Variants in PAPOLG observed in about 807,000 individuals in gnomAD.
PAPOLG encodes poly(A) polymerase gamma.
PAPOLG carries 40 observed loss-of-function variants against 99.0 expected under a neutral mutation model. That is an observed-to-expected ratio of 0.40 (90% confidence interval 0.31 to 0.53). The LOEUF is 0.53. PAPOLG is among the 20% of genes least tolerant of loss of function. The pLI, the probability that PAPOLG is intolerant of heterozygous loss-of-function variation, is 0.41. For synonymous variants in PAPOLG, 310 were observed against 299.3 expected (o/e 1.04, Z -0.37); for missense variants, 675 against 884.1 (o/e 0.76, Z 3.00).
At position 60,792,229 on chromosome 2, in the gene PAPOLG, G is replaced by C. The variant is rs747516684; in HGVS notation, c.1619G>C (p.Gly540Ala). Reference sequence around the variant, plus strand: ...GATAGCTCCAGAGACACTGATAATGGAACACCTTTTAATTCTCCAGCGTCC... The same window carrying C: ...GATAGCTCCAGAGACACTGATAATGCAACACCTTTTAATTCTCCAGCGTCC... ...CLDSSRDTDN[G>A]TPFNSPASKS... Residue 540 changes from glycine (G) to alanine (A), a missense_variant, in exon 17 of 22, where the codon GGA (glycine) becomes GCA (alanine). Gly to Ala is a moderately conservative substitution (Grantham distance 60). Around this residue, in one of 3 missense-constraint regions of PAPOLG, gnomAD observed 413 missense variants for 460.5 expected, o/e 0.90. Transcript: ENST00000238714. The C allele has an allele frequency of 6.2e-7, 1 of 1,610,104 alleles. No homozygotes were observed. The highest frequency in any genetic ancestry group is 8.5e-7 in the Non-Finnish European group (1 of 1,179,254).
Position 60,768,833 on chromosome 2 carries a change from T to C in PAPOLG, c.381T>C (p.Asp127=). The C allele has an allele frequency of 2.5e-6, 4 of 1,602,958 alleles. No individual in the cohort carries two copies. Among genetic ancestry groups the C allele is most frequent in the Non-Finnish European group, 2.6e-6 (3 of 1,173,446 alleles). Residue 127 remains aspartate (D), a synonymous_variant, in exon 5 of 22, where the codon GAT becomes GAC. Coordinates refer to ENST00000238714, the MANE Select transcript of PAPOLG (RefSeq NM_022894.4). ...CTCCAAGACATGTGGAAAGATCTGA[T>C]TTTTTTCAGTCTTTTTTTGAAAAAT... ...CVAPRHVERS[D]FFQSFFEKLK...
At position 60,794,076 on chromosome 2, in the gene PAPOLG, C is replaced by A; in HGVS notation, c.1874C>A (p.Ala625Asp). ...AGAATCACAACACCTCACAACCCTG[C>A]CCAGGGACAACCGCATCTGAATGGA... ...IPRITTPHNPAQGQPHLNGMS... is the reference protein window; with the variant it reads ...IPRITTPHNPDQGQPHLNGMS... The change falls in exon 19 of 22, where the codon GCC becomes GAC. Residue 625 changes from alanine (A) to aspartate (D), a missense_variant. Coordinates refer to ENST00000238714, the MANE Select transcript of PAPOLG (RefSeq NM_022894.4). 1 of 1,614,120 alleles carries A rather than the reference C, an allele frequency of 6.2e-7. No individual in the cohort carries two copies. The highest frequency in any genetic ancestry group is 1.6e-4 in the Middle Eastern group (1 of 6,062).
At chr2:60,756,518 T>C (rs765072065) in intron 1 of PAPOLG, 23 bp downstream of exon 1, 2 of 1,262,042 alleles carry the variant, frequency 1.6e-6, no homozygotes. Flanking sequence ...GGGCGGCGGT[T>C]GGGGTGAGGC....
At chr2:60,793,784 G>A (rs960738147) in intron 18 of PAPOLG, 69 bp downstream of exon 18, 18 of 1,529,180 alleles carry the variant, frequency 1.2e-5, no homozygotes, top group South Asian at 3.6e-5. Context: ...GGTGGCACAC[G>A]CCTGTAGTCC....
intron 13 of PAPOLG, among the ~76,000 whole-genome samples, chr2:60,786,484 G>A (rs1191082226): frequency 6.6e-6 from 1 of 151,890 alleles, no homozygotes; most frequent in Non-Finnish European, 1.5e-5. Context: ...GTGCACCTCA[G>A]TCTTCCAAAG....
chr2:60,794,274 G>A (rs1671633302), intron 19 of PAPOLG, 83 bp downstream of exon 19: 25 of 1,365,084 alleles, frequency 1.8e-5, no homozygotes, highest in Non-Finnish European at 2.0e-5. Flanking sequence ...ATAGCTGTTG[G>A]TGTTCTGTTA....
At chr2:60,778,245 C>A (rs774222473) in intron 8 of PAPOLG, among the ~76,000 whole-genome samples, 2 of 152,160 alleles carry the variant, frequency 1.3e-5, no homozygotes, top group Non-Finnish European at 2.9e-5. Flanking sequence ...CTTCTGGGCC[C>A]AAGCGATCCT....
chr2:60,763,501 A>ATTGTTT (rs1368880377), intron 3 of PAPOLG, among the ~76,000 whole-genome samples: 2 of 151,338 alleles, frequency 1.3e-5, no homozygotes, highest in Admixed American at 6.6e-5. Context: ...TTTGAATATA[A>ATTGTTT]TTGTTTTTGT....
At chr2:60,777,465 T>A (rs535154519) in intron 8 of PAPOLG, among the ~76,000 whole-genome samples, 2 of 151,064 alleles carry the variant, frequency 1.3e-5, no homozygotes, top group African/African-American at 2.4e-5. Context: ...CAAAAAAAAA[T>A]TTTTTTTTTC....
Position 60,768,551 on chromosome 2 carries a change from G to A in PAPOLG, c.328G>A (p.Gly110Arg). ...GSYRLGVHTKGADIDALCVAP... is the reference protein window; with the variant it reads ...GSYRLGVHTKRADIDALCVAP... ...CTATAGGCTTGGAGTACACACCAAA[G>A]GTAACTGCTTTTCTGTGTTCTAGTG... Residue 110 changes from glycine to arginine, a missense_variant and splice_region_variant, in exon 4 of 22, where the codon GGA (glycine) becomes AGA (arginine). Transcript: ENST00000238714. 2 of 1,592,624 alleles carry A rather than the reference G, an allele frequency of 1.3e-6. No individual in the cohort carries two copies. The highest frequency in any genetic ancestry group is 1.7e-6 in the Non-Finnish European group (2 of 1,161,412).
At chr2:60,771,790 C>G (rs539180099) in intron 7 of PAPOLG, among the ~76,000 whole-genome samples, 160 bp downstream of exon 7, 71 of 152,268 alleles carry the variant, frequency 4.7e-4, no homozygotes, top group African/African-American at 1.5e-3. Flanking sequence ...ATCCTAAAAA[C>G]CACAAATTTA....
At chr2:60,787,464 T>TA (rs764140882) in intron 14 of PAPOLG, 47 bp from the exon 15 acceptor site, 267 of 1,551,866 alleles carry the variant, frequency 1.7e-4, no homozygotes, top group Non-Finnish European at 2.2e-4. Context: ...TGTAAAGTTG[T>TA]AAAAAATAAT....
intron 21 of PAPOLG, 121 bp downstream of exon 21, chr2:60,795,141 C>A: frequency 2.5e-6 from 2 of 815,988 alleles, no homozygotes; most frequent in East Asian, 2.5e-5. Context: ...GTCCCTGTCC[C>A]CAAGGACTAG....
chr2:60,785,933 T>C (rs143459532), intron 13 of PAPOLG, among the ~76,000 whole-genome samples: 4 of 152,238 alleles, frequency 2.6e-5, no homozygotes, highest in Admixed American at 2.6e-4. Context: ...CATGACTGTT[T>C]TATAGTCTTA....
In PAPOLG at chr2:60,797,077, G is replaced by A. The variant is rs146155842; in HGVS notation, c.2128G>A (p.Glu710Lys). ...TSRKKRLPSK[E>K]LPDSSSPVPA... ...TTTCTAATAGAGACTACCCAGTAAA[G>A]AACTACCAGATTCATCATCTCCAGT... The change falls in exon 22 of 22, where the codon GAA (glutamate) becomes AAA (lysine). Residue 710 changes from glutamate (E) to lysine (K), a missense_variant. By Grantham distance (56) the Glu-to-Lys change is moderately conservative. This residue lies in a region of PAPOLG where 413 missense variants were observed against 460.5 expected (regional missense o/e 0.90). Coordinates refer to ENST00000238714, the MANE Select transcript of PAPOLG (RefSeq NM_022894.4). The A allele has an allele frequency of 3.7e-6, 6 of 1,612,216 alleles. No homozygotes were observed. The highest frequency in any genetic ancestry group is 5.1e-6 in the Non-Finnish European group (6 of 1,178,456).
rs1286857304 is a variant in PAPOLG, at chr2:60,800,779, G to C, written c.*3619G>C. The C allele has an allele frequency of 6.6e-6, 1 of 152,132 alleles. No homozygotes were observed. Among genetic ancestry groups the C allele is most frequent in the East Asian group, 1.9e-4 (1 of 5,242 alleles). 9.4% of individuals were successfully genotyped at this position (152,132 alleles called of 1,614,324 possible). The stretch of plus-strand genomic sequence containing the variant: ...ATAGTTTAGATCAGCTTCTCGAAGT[G>C]GCAAAAGTATGGGAGTTAGGGTTAG... On this transcript the variant is annotated 3_prime_UTR_variant, in exon 22 of 22. Transcript: ENST00000238714.
rs1450102331 is a variant in PAPOLG at position 60,786,997 on chromosome 2, G to T, written c.1217G>T (p.Arg406Leu). ...KIRVLVGNLE[R>L]NEFITLAHVN... ...CGTGTACTTGTTGGAAACTTGGAAC[G>T]GAATGAATTTATTACTCTTGCCCAT... Residue 406 changes from arginine to leucine, a missense_variant, in exon 14 of 22, where the codon CGG becomes CTG. Coordinates refer to ENST00000238714, the MANE Select transcript of PAPOLG (RefSeq NM_022894.4). 6.2e-7 allele frequency: 1 copy of T among 1,612,550 alleles called. No homozygotes were observed.
chr2:60,792,042 A>G (rs1464304837), intron 16 of PAPOLG, 87 bp from the exon 17 acceptor site: 1 of 1,470,998 alleles, frequency 6.8e-7, no homozygotes, highest in Non-Finnish European at 9.2e-7. Context: ...CACAAGAGAT[A>G]ATTTGCTTAA....
At chr2:60,791,681 G>C (rs941959174) in intron 15 of PAPOLG, 80 bp from the exon 16 acceptor site, 1 of 1,519,038 alleles carries the variant, frequency 6.6e-7, no homozygotes, top group Non-Finnish European at 8.8e-7. Context: ...GATAGTAAAA[G>C]TATATGCATT....
Sources: gnomAD v4.1 joint callset for allele counts (sites outside exome capture counted in the v4.1 genomes callset) on GRCh38, gnomAD v4.1.1 for gene constraint, gnomAD v4.1.1 regional missense constraint, MANE v1.5 for transcripts, NCBI Gene and HGNC (gene_info 2026-07-23, HGNC 2026-07-21) for gene names.